The following FBXL17 variants were observed in gnomAD, a reference collection of about 807,000 sequenced individuals.
FBXL17 encodes F-box/LRR-repeat protein 17.
Under a neutral mutation model 66.2 loss-of-function variants are expected in FBXL17, and 22 were observed. That is an observed-to-expected ratio of 0.33 (90% CI 0.24 to 0.47). The LOEUF (loss-of-function observed/expected upper bound fraction) is 0.47, where lower values mean the gene tolerates loss of function less well. Ranked by LOEUF, FBXL17 falls within the 20% of genes least tolerant of loss-of-function variation. The pLI is 1.00. For synonymous variants in FBXL17, 474 were observed against 400.5 expected, an observed-to-expected ratio of 1.18 and a Z score of -2.19; for missense variants, 878 against 948.2, an observed-to-expected ratio of 0.93 and a Z score of 0.97.
At chr5:108,380,025 T>G (rs1749730775) in intron 1 of FBXL17, among the ~76,000 whole-genome samples, 1 of 152,176 alleles carries the variant, frequency 6.6e-6, no homozygotes. Flanking sequence ...ACCCTTTACT[T>G]TCTGTATGTG....
At chr5:108,280,310 G>C (rs1208179735) in intron 4 of FBXL17, among the ~76,000 whole-genome samples, 2 of 152,122 alleles carry the variant, frequency 1.3e-5, no homozygotes, top group East Asian at 3.8e-4. Flanking sequence ...AGAAGAAAAT[G>C]AGATGATATA....
chr5:107,909,583 C>T lies in FBXL17; in HGVS notation c.1823-28404G>A, dbSNP rs140828152. Reference sequence around the variant, plus strand: ...AAACTAAAATATTTCTTCAGCCTATCCTGCATCATAAGCTTAAGTAGCAAA... The same window carrying T: ...AAACTAAAATATTTCTTCAGCCTATTCTGCATCATAAGCTTAAGTAGCAAA... On this transcript the variant is annotated intron_variant, in intron 7 of 8. Coordinates refer to ENST00000542267, the MANE Select transcript of FBXL17 (RefSeq NM_001163315.3). Among the ~76,000 whole-genome samples the T allele has an allele frequency of 7.6e-4, 116 of 152,282 alleles. No homozygotes were observed. In the East Asian group the frequency reaches 0.018, roughly 23 times the overall value.
chr5:108,338,495 C>T (rs937076698), intron 4 of FBXL17, among the ~76,000 whole-genome samples: 1 of 152,050 alleles, frequency 6.6e-6, no homozygotes, highest in Non-Finnish European at 1.5e-5. Context: ...ACAGACACTA[C>T]AAATTTTTTA....
intron 4 of FBXL17, among the ~76,000 whole-genome samples, chr5:108,292,503 C>T (rs772553014): frequency 1.6e-4 from 24 of 152,048 alleles, no homozygotes; most frequent in Admixed American, 7.9e-4. Flanking sequence ...TCTAAATGTC[C>T]ACCAGAACTT....
At chr5:107,913,267 C>A (rs747117426) in intron 7 of FBXL17, among the ~76,000 whole-genome samples, 12 of 151,416 alleles carry the variant, frequency 7.9e-5, no homozygotes, top group Non-Finnish European at 1.5e-4. Context: ...GTGGAACTGA[C>A]AGACTGAAGG....
At chr5:107,989,128 C>G (rs534141686) in intron 7 of FBXL17, among the ~76,000 whole-genome samples, 8 of 152,134 alleles carry the variant, frequency 5.3e-5, no homozygotes, top group African/African-American at 1.9e-4. Context: ...TTTACCATTT[C>G]TTTGTGTTAG....
chr5:108,287,025 G>A (rs1042212734), intron 4 of FBXL17, among the ~76,000 whole-genome samples: 1 of 151,798 alleles, frequency 6.6e-6, no homozygotes, highest in Non-Finnish European at 1.5e-5. Context: ...AACAAGCAAT[G>A]GGAAAAAAGA....
At chr5:108,086,858 G>A (rs975347394) in intron 6 of FBXL17, among the ~76,000 whole-genome samples, 2 of 152,040 alleles carry the variant, frequency 1.3e-5, no homozygotes, top group Admixed American at 6.6e-5. Flanking sequence ...ACCGCACCCC[G>A]CCAGCTGTGA....
At chr5:107,878,967 G>A in intron 8 of FBXL17, 1 of 985,468 alleles carries the variant, frequency 1.0e-6, no homozygotes, top group Non-Finnish European at 1.2e-6. Flanking sequence ...GGCAGCCCAG[G>A]AAAAGGGCTA....
intron 6 of FBXL17, among the ~76,000 whole-genome samples, chr5:108,139,227 C>T (rs1192558410): frequency 2.6e-5 from 4 of 152,126 alleles, no homozygotes; most frequent in East Asian, 1.9e-4. Context: ...GTTTAAGTAA[C>T]GGAGGATATT....
chr5:108,085,802 T>C (rs1748947380), intron 6 of FBXL17, among the ~76,000 whole-genome samples: 1 of 152,112 alleles, frequency 6.6e-6, no homozygotes, highest in African/African-American at 2.4e-5. Flanking sequence ...CTGGATGTAG[T>C]GGCATGCGCC....
chr5:108,051,088 T>C (rs1360373937), intron 6 of FBXL17, among the ~76,000 whole-genome samples: 1 of 152,200 alleles, frequency 6.6e-6, no homozygotes, highest in South Asian at 2.1e-4. Flanking sequence ...ATTGAGGCAG[T>C]GATTAATAGC....
intron 4 of FBXL17, among the ~76,000 whole-genome samples, chr5:108,285,819 G>A (rs572787458): frequency 6.6e-6 from 1 of 151,080 alleles, no homozygotes; most frequent in Non-Finnish European, 1.5e-5. Flanking sequence ...TTAAAAAATT[G>A]TGACTCAACA....
intron 6 of FBXL17, among the ~76,000 whole-genome samples, chr5:108,119,097 C>T (rs1300231350): frequency 1.3e-5 from 2 of 152,114 alleles, no homozygotes; most frequent in African/African-American, 4.8e-5. Context: ...AAGACTGGAA[C>T]AACATGGAGG....
intron 7 of FBXL17, among the ~76,000 whole-genome samples, chr5:107,927,803 G>T (rs1750579029): frequency 6.6e-6 from 1 of 152,176 alleles, no homozygotes; most frequent in African/African-American, 2.4e-5. Flanking sequence ...GCCATATGCT[G>T]ACTGGTATTC....
chr5:108,100,942 C>G (rs1472665823), intron 6 of FBXL17, among the ~76,000 whole-genome samples: 2 of 152,094 alleles, frequency 1.3e-5, no homozygotes, highest in African/African-American at 4.8e-5. Context: ...CAAAAAAGAT[C>G]AGAACATCAG....
intron 6 of FBXL17, among the ~76,000 whole-genome samples, chr5:108,091,232 C>T (rs2149930178): frequency 6.6e-6 from 1 of 152,332 alleles, no homozygotes; most frequent in East Asian, 1.9e-4. Flanking sequence ...GTTGCCATGG[C>T]TATCCAAAGC....
Position 108,381,340 on chromosome 5 carries a change from G to C in FBXL17, c.352C>G (p.Arg118Gly). 7.3e-7 allele frequency: 1 copy of C among 1,375,470 alleles called. No homozygotes were observed. The highest frequency in any genetic ancestry group is 1.7e-5 in the South Asian group (1 of 60,000). 85.2% of individuals were successfully genotyped at this position (1,375,470 alleles called of 1,614,324 possible). ...AAEDCAAAARRFLLSSAAAAA... is the reference protein window; with the variant it reads ...AAEDCAAAARGFLLSSAAAAA... ...GCGGCGGCCGAGGATAGCAGGAAGC[G>C]GCGGGCAGCAGCGGCGCAGTCCTCG... The change falls in exon 1 of 9, where the codon CGC (arginine) becomes GGC (glycine). Residue 118 changes from arginine (R) to glycine (G), a missense_variant. Arg to Gly is a moderately radical substitution (Grantham distance 125, BLOSUM62 -2). Around this residue, in one of 4 missense-constraint regions of FBXL17, gnomAD observed 605 missense variants for 509.5 expected, o/e 1.19. Transcript: ENST00000542267.
At position 107,861,595 on chromosome 5, in the gene FBXL17, A is replaced by T. The variant is rs1748123368; in HGVS notation, c.*125T>A. ...TATGCAGTATGCAAACAAGACACAA[A>T]TACACATACTTGAACACACACAGAC... is the stretch of plus-strand genomic sequence containing the variant. On this transcript the variant is annotated 3_prime_UTR_variant, in exon 9 of 9. Transcript: ENST00000542267. The T allele has an allele frequency of 1.3e-5, 11 of 874,058 alleles. No homozygotes were observed. Among genetic ancestry groups the T allele is most frequent in the Non-Finnish European group, 7.7e-6 (5 of 648,020 alleles). 54.1% of individuals were successfully genotyped at this position (874,058 alleles called of 1,614,324 possible).
Sources: gnomAD v4.1 joint callset for allele counts (sites outside exome capture counted in the v4.1 genomes callset) on GRCh38, gnomAD v4.1.1 for gene constraint, gnomAD v4.1.1 regional missense constraint, MANE v1.5 for transcripts, NCBI Gene and HGNC (gene_info 2026-07-23, HGNC 2026-07-21) for gene names.